Variants in EPS8L2 observed in about 807,000 individuals in gnomAD.
The protein encoded by EPS8L2 is EPS8 signaling adaptor L2.
A neutral mutation model predicts 99.4 loss-of-function variants in EPS8L2; 81 were observed. The observed-to-expected ratio is 0.82, with a 90% CI of 0.68 to 0.98. EPS8L2 has a LOEUF of 0.98. Ranked by LOEUF, EPS8L2 falls within the 50% of genes least tolerant of loss-of-function variation. EPS8L2 has a pLI of 0.00. For missense variants in EPS8L2, 1,155 were observed against 968.8 expected (o/e 1.19, Z -2.55); for synonymous variants, 509 against 407.3 (o/e 1.25, Z -3.01).
Position 709,468 on chromosome 11 carries a change from ATCCCG to A in EPS8L2, c.44+18_44+22del. ...TGCCACCAAGTGAGCCCTCCCACCCATCCCGAATACCCCACCCTCACCCTCTGAAC... is the reference window on the plus strand; with the variant it reads ...TGCCACCAAGTGAGCCCTCCCACCCAAATACCCCACCCTCACCCTCTGAAC... On this transcript the variant is annotated intron_variant, in intron 2 of 20. Transcript: ENST00000318562. 6.1e-6 allele frequency: 4 copies of A among 652,364 alleles called. No individual in the cohort carries two copies. The highest frequency in any genetic ancestry group is 1.1e-5 in the Non-Finnish European group (4 of 371,690). 40.4% of individuals were successfully genotyped at this position (652,364 alleles called of 1,614,324 possible).
intron 4 of EPS8L2, among the ~76,000 whole-genome samples, chr11:712,451 T>C (rs1400453911): frequency 6.9e-6 from 1 of 143,984 alleles, no homozygotes; most frequent in Admixed American, 6.9e-5. Context: ...CCGGTTGTCG[T>C]CCAAGCCTGG....
chr11:709,439 CG>C lies in EPS8L2; in HGVS notation c.35del (p.Gly12ValfsTer16). On this transcript the variant is annotated frameshift_variant, in exon 2 of 21. Transcript: ENST00000318562. LOFTEE classifies it high-confidence loss of function. ...CAGTCCGGGGCCGTGAGCTGCTGCC[CG>C]GGTGCCACCAAGTGAGCCCTCCCAC... MSQSGAVSCCPGATNGSLGRS... is the reference protein window; with the variant it reads MSQSGAVSCCXGATNGSLGRS... 1 of 1,597,118 alleles carries C rather than the reference CG, an allele frequency of 6.3e-7. No individual in the cohort carries two copies. Among genetic ancestry groups the C allele is most frequent in the Non-Finnish European group, 8.5e-7 (1 of 1,173,224 alleles).
intron 3 of EPS8L2, chr11:710,178 T>C: frequency 2.0e-6 from 1 of 512,172 alleles, no homozygotes. Flanking sequence ...TGGTCCCCAC[T>C]CCACTCAGAG....
intron 1 of EPS8L2, among the ~76,000 whole-genome samples, chr11:707,235 T>A (rs995257314): frequency 6.6e-6 from 1 of 152,116 alleles, no homozygotes; most frequent in African/African-American, 2.4e-5. Context: ...TGCCTCGGTC[T>A]CCTTTCCCAC....
rs754396559 is a variant in EPS8L2 at position 722,673 on chromosome 11, T to C, written c.1209T>C (p.Arg403=). 6.2e-7 allele frequency: 1 copy of C among 1,607,670 alleles called. No individual in the cohort carries two copies. Among genetic ancestry groups the C allele is most frequent in the Non-Finnish European group, 8.5e-7 (1 of 1,177,876 alleles). ...CTGACTTCAGGACCTCTCACCCCAG[T>C]TCCGAGTGGCCGCGGGAGCCACAGG... ...ESLGESWMRP[R]SEWPREPQVP... The change falls in exon 14 of 21, where the codon CGT becomes CGC. Residue 403 remains arginine, a splice_region_variant and synonymous_variant. Transcript: ENST00000318562.
chr11:712,520 TG>T (rs562860258), intron 4 of EPS8L2, among the ~76,000 whole-genome samples: 82 of 152,090 alleles, frequency 5.4e-4, no homozygotes, highest in African/African-American at 1.9e-3. Context: ...CTTCCGGTTG[TG>T]GTCCAAGCCT....
Position 721,319 on chromosome 11 carries a change from G to A in EPS8L2, c.735G>A (p.Arg245=), listed in dbSNP as rs1012881286. The change falls in exon 9 of 21, where the codon CGG becomes CGA. Residue 245 remains arginine, a synonymous_variant. Coordinates refer to ENST00000318562, the MANE Select transcript of EPS8L2 (RefSeq NM_022772.4). ...FRRRESQEEP[R]AVLAQKIEKE... is the part of the protein sequence containing the mutation. ...GTCGGGAGTCGCAGGAGGAGCCGCG[G>A]GCCGTGCTGGCTCAGAAGATAGAGA... 74 of 1,539,836 alleles carry A rather than the reference G, an allele frequency of 4.8e-5. No individual in the cohort carries two copies. The highest frequency in any genetic ancestry group is 1.2e-4 in the Admixed American group (6 of 50,912).
At chr11:726,037 G>T in intron 17 of EPS8L2, 61 bp from the exon 18 acceptor site, 1 of 1,334,610 alleles carries the variant, frequency 7.5e-7, no homozygotes, top group Non-Finnish European at 1.0e-6. Flanking sequence ...GGGAGGTCCC[G>T]GGCAGGTGCT....
intron 7 of EPS8L2, 49 bp downstream of exon 7, chr11:720,958 C>CCCGGCTGGGGTGGGGAGGAG: frequency 9.8e-7 from 1 of 1,015,862 alleles, no homozygotes; most frequent in Non-Finnish European, 1.3e-6. Flanking sequence ...AGGGGAGGAG[C>CCCGGCTGGGGTGGGGAGGAG]CCGGCAGGGG....
rs1862349179 is a variant in EPS8L2 at position 726,987 on chromosome 11, G to A, written c.*6G>A. 5 of 1,606,614 alleles carry A rather than the reference G, an allele frequency of 3.1e-6. No individual in the cohort carries two copies. The Admixed American group carries it at 5.0e-5, about 16-fold the overall frequency. On this transcript the variant is annotated 3_prime_UTR_variant, in exon 21 of 21. Coordinates refer to ENST00000318562, the MANE Select transcript of EPS8L2 (RefSeq NM_022772.4). ...GGAGGGGGGAGGACAGCTAGGCCCA[G>A]CTGCCTTGGGCTGGGGCCTGCGGAG...
Position 727,187 on chromosome 11 carries a change from A to C in EPS8L2, c.*206A>C. On this transcript the variant is annotated 3_prime_UTR_variant, in exon 21 of 21. Transcript: ENST00000318562. The stretch of plus-strand genomic sequence containing the variant: ...CTCAGCCCACACCAAGACTAATCTC[A>C]GCCAAACCTGCTGCTTGGTGGTGCC... 24 of 464,998 alleles carry C rather than the reference A, an allele frequency of 5.2e-5. No homozygotes were observed. The highest frequency in any genetic ancestry group is 1.5e-4 in the East Asian group (4 of 27,538). The allele number at this position is 464,998 out of a possible 1,614,324, so 28.8% of individuals were successfully genotyped here.
chr11:711,440 G>A (rs1351668240), intron 4 of EPS8L2, among the ~76,000 whole-genome samples: 4 of 152,084 alleles, frequency 2.6e-5, no homozygotes, highest in African/African-American at 9.7e-5. Context: ...CCGCCTCCTG[G>A]ACTCAAGTGA....
chr11:724,626 C>T lies in EPS8L2; in HGVS notation c.1455-98C>T. On this transcript the variant is annotated intron_variant, in intron 15 of 20. Coordinates refer to ENST00000318562, the MANE Select transcript of EPS8L2 (RefSeq NM_022772.4). The surrounding 1 kb of genome is among the most constrained non-coding windows in gnomAD (Gnocchi z 5.5). ...ACCTCCAGAACAGAAAAGAGGCAGC[C>T]AGTCGTGCACCTGGGAAGCTGCTGC... 1.3e-6 allele frequency: 1 copy of T among 798,388 alleles called. No homozygotes were observed. The highest frequency in any genetic ancestry group is 1.4e-5 in the South Asian group (1 of 70,934). The allele number at this position is 798,388 out of a possible 1,614,324, so 49.5% of individuals were successfully genotyped here.
chr11:720,007 G>A, intron 4 of EPS8L2, 55 bp from the exon 5 acceptor site: 1 of 1,541,878 alleles, frequency 6.5e-7, no homozygotes, highest in African/African-American at 1.4e-5. Flanking sequence ...CCTGGGGGCT[G>A]GGCTTTCGAC....
At position 721,937 on chromosome 11, in the gene EPS8L2, T is replaced by C. The variant is rs778176238; in HGVS notation, c.930T>C (p.Ser310=). Residue 310 remains serine (S), a synonymous_variant, in exon 11 of 21, where the codon TCT becomes TCC. Transcript: ENST00000318562. ...GVLTLRARPP[S]EGEFIDCFQK... Reference sequence around the variant, plus strand: ...TCACACTGCGGGCACGGCCCCCCTCTGAGGGCGAGTTCATCGACTGCTTCC... The same window carrying C: ...TCACACTGCGGGCACGGCCCCCCTCCGAGGGCGAGTTCATCGACTGCTTCC... 1.3e-6 allele frequency: 2 copies of C among 1,599,010 alleles called. No individual in the cohort carries two copies. The highest frequency in any genetic ancestry group is 1.3e-5 in the African/African-American group (1 of 74,442).
In EPS8L2 at chr11:724,665, C is replaced by A; in HGVS notation, c.1455-59C>A. ...GGAAGCTGCTGCCCCCCAGCCACTG[C>A]CCAGGTCTCAGAGGAGACCCCCACC... is the stretch of plus-strand genomic sequence containing the variant. On this transcript the variant is annotated intron_variant, in intron 15 of 20. Coordinates refer to ENST00000318562, the MANE Select transcript of EPS8L2 (RefSeq NM_022772.4). This position sits in a 1 kb window ranked among gnomAD's most constrained non-coding sequence, Gnocchi z 5.5. 8.0e-7 allele frequency: 1 copy of A among 1,244,122 alleles called. No individual in the cohort carries two copies. Among genetic ancestry groups the A allele is most frequent in the Non-Finnish European group, 1.2e-6 (1 of 845,694 alleles). 77.1% of individuals were successfully genotyped at this position (1,244,122 alleles called of 1,614,324 possible).
Position 725,934 on chromosome 11 carries a change from C to G in EPS8L2, c.1680+87C>G, listed in dbSNP as rs1490709489. ...CCTAGCCCCGCCCCAAGGCCAGCCCCGCGGCTGGAGAGACTGGGGCAGGTG... is the reference window on the plus strand; with the variant it reads ...CCTAGCCCCGCCCCAAGGCCAGCCCGGCGGCTGGAGAGACTGGGGCAGGTG... On this transcript the variant is annotated intron_variant, in intron 17 of 20. Transcript: ENST00000318562. The G allele has an allele frequency of 6.6e-5, 91 of 1,381,036 alleles. 1 individual carries two copies. The highest frequency in any genetic ancestry group is 5.6e-6 in the Non-Finnish European group (6 of 1,064,618). The allele number at this position is 1,381,036 out of a possible 1,614,324, so 85.5% of individuals were successfully genotyped here.
Position 726,182 on chromosome 11 carries a change from T to A in EPS8L2, c.1753+12T>A, listed in dbSNP as rs1428090076. 4 of 1,603,570 alleles carry A rather than the reference T, an allele frequency of 2.5e-6. No individual in the cohort carries two copies. The highest frequency in any genetic ancestry group is 2.6e-6 in the Non-Finnish European group (3 of 1,175,204). The stretch of plus-strand genomic sequence containing the variant: ...GGGGAACAAAGACGGTGAGAGCTGC[T>A]GCTTCGAGGCGGGGGTCCCGGGCCC... On this transcript the variant is annotated intron_variant, in intron 18 of 20. Transcript: ENST00000318562.
chr11:727,129 A>ACGCC lies in EPS8L2; in HGVS notation c.*150_*153dup, dbSNP rs1431912357. 2 of 630,922 alleles carry ACGCC rather than the reference A, an allele frequency of 3.2e-6. No individual in the cohort carries two copies. Among genetic ancestry groups the ACGCC allele is most frequent in the Non-Finnish European group, 5.6e-6 (2 of 358,552 alleles). 39.1% of individuals were successfully genotyped at this position (630,922 alleles called of 1,614,324 possible). A position where few individuals can be genotyped will look rare whatever the true frequency, so the allele number is the denominator to read the frequency against. On this transcript the variant is annotated 3_prime_UTR_variant, in exon 21 of 21. Coordinates refer to ENST00000318562, the MANE Select transcript of EPS8L2 (RefSeq NM_022772.4). ...GTCCCTGCCCCTGTCTGGAGGCACA[A>ACGCC]CGCCCATCCTTAGGCCAAACAGTAC...
Sources: allele counts gnomAD v4.1 joint callset (sites outside exome capture counted in the v4.1 genomes callset), GRCh38; gene constraint gnomAD v4.1.1; non-coding constraint Gnocchi (gnomAD v3.1); transcripts MANE v1.5; gene names NCBI Gene and HGNC (gene_info 2026-07-23, HGNC 2026-07-21).